Variants in CLNK observed in about 807,000 individuals in gnomAD.
CLNK encodes cytokine-dependent hematopoietic cell linker.
CLNK carries 74 observed loss-of-function variants against 68.6 expected under a neutral mutation model. The observed-to-expected ratio is 1.08, with a 90% CI of 0.89 to 1.31. The LOEUF (loss-of-function observed/expected upper bound fraction) is 1.31. Ranked by LOEUF, CLNK falls within the 50% of genes most tolerant of loss-of-function variation. The pLI is 0.00. For synonymous variants in CLNK, 198 were observed against 172.2 expected (o/e 1.15, Z -1.17); for missense variants, 553 against 515.3 (o/e 1.07, Z -0.71).
At chr4:10,511,327 C>G (rs994969155) in intron 16 of CLNK, among the ~76,000 whole-genome samples, 7 of 152,130 alleles carry the variant, frequency 4.6e-5, no homozygotes, top group African/African-American at 1.4e-4. Flanking sequence ...TAAATCTCTT[C>G]AAATATTTTC....
rs1025459041 is a variant in CLNK, at chr4:10,634,731, A to G, written c.11+33128T>C. 3.9e-5 allele frequency among the ~76,000 whole-genome samples: 6 copies of G among 152,126 alleles called. No individual in the cohort carries two copies. The South Asian group carries it at 6.2e-4, about 16-fold the overall frequency. On this transcript the variant is annotated intron_variant, in intron 2 of 18. Coordinates refer to ENST00000226951, the MANE Select transcript of CLNK (RefSeq NM_052964.4). ...TCTGAAGCTTTTTTGCTTCCCTCCT[A>G]TGGAAACCTCCTGGAGAACAATTTG...
chr4:10,509,207 G>A (rs1382645794), intron 16 of CLNK, among the ~76,000 whole-genome samples: 1 of 151,938 alleles, frequency 6.6e-6, no homozygotes, highest in Non-Finnish European at 1.5e-5. Flanking sequence ...TGGAGTCTGT[G>A]GTCCACTGGA....
At chr4:10,519,132 A>G (rs1193355571) in intron 15 of CLNK, among the ~76,000 whole-genome samples, 1 of 152,190 alleles carries the variant, frequency 6.6e-6, no homozygotes, top group Non-Finnish European at 1.5e-5. Flanking sequence ...TTCCCCATCC[A>G]TCCCAGGCTT....
chr4:10,650,772 T>A (rs901777787), intron 2 of CLNK, among the ~76,000 whole-genome samples: 7 of 152,026 alleles, frequency 4.6e-5, no homozygotes, highest in African/African-American at 1.7e-4. Context: ...AATGGAAGGT[T>A]TGACATATAA....
At chr4:10,589,672 G>C (rs919207474) in intron 3 of CLNK, among the ~76,000 whole-genome samples, 1 of 152,192 alleles carries the variant, frequency 6.6e-6, no homozygotes, top group Non-Finnish European at 1.5e-5. Context: ...GATCAGGAGA[G>C]GTGGTCCGAA....
chr4:10,665,010 G>T lies in CLNK; in HGVS notation c.11+2849C>A, dbSNP rs3935222. Reference sequence around the variant, plus strand: ...AGAGTGAAGAAGAGTTTGGGACTAGGGGAGGAAAAGGATGCTCTGAGCTTT... The same window carrying T: ...AGAGTGAAGAAGAGTTTGGGACTAGTGGAGGAAAAGGATGCTCTGAGCTTT... On this transcript the variant is annotated intron_variant, in intron 2 of 18. Transcript: ENST00000226951. Among the ~76,000 whole-genome samples the T allele has an allele frequency of 2.6e-3, 397 of 152,092 alleles. 4 individuals carry two copies. The East Asian group carries it at 0.033, about 12-fold the overall frequency.
chr4:10,584,448 T>C (rs1249933262), intron 4 of CLNK, among the ~76,000 whole-genome samples: 2 of 152,214 alleles, frequency 1.3e-5, no homozygotes, highest in African/African-American at 4.8e-5. Flanking sequence ...TCTCAAACTT[T>C]AATGGGCTCC....
chr4:10,629,718 A>G (rs760069224), intron 2 of CLNK, among the ~76,000 whole-genome samples: 2 of 151,876 alleles, frequency 1.3e-5, no homozygotes, highest in Non-Finnish European at 2.9e-5. Context: ...ATGTCTTGCA[A>G]CTTATAGAGT....
chr4:10,681,545 C>T (rs1225255392), intron 1 of CLNK, among the ~76,000 whole-genome samples: 1 of 152,156 alleles, frequency 6.6e-6, no homozygotes, highest in Non-Finnish European at 1.5e-5. Flanking sequence ...AACCACAGTA[C>T]CATTTAAACA....
intron 2 of CLNK, among the ~76,000 whole-genome samples, chr4:10,643,202 C>T (rs1321748446): frequency 6.6e-6 from 1 of 152,196 alleles, no homozygotes; most frequent in African/African-American, 2.4e-5. Context: ...TTTATATTTA[C>T]TCCTCCCTGT....
chr4:10,527,621 G>T (rs1718370348), intron 13 of CLNK, among the ~76,000 whole-genome samples: 1 of 152,194 alleles, frequency 6.6e-6, no homozygotes, highest in South Asian at 2.1e-4. Flanking sequence ...GGATATGAGT[G>T]ACTGTTGGAT....
chr4:10,621,702 C>A (rs540407156), intron 2 of CLNK, among the ~76,000 whole-genome samples: 1 of 152,210 alleles, frequency 6.6e-6, no homozygotes, highest in Admixed American at 6.5e-5. Flanking sequence ...AAGGATGATG[C>A]GTGTGCTGCA....
chr4:10,725,208 A>T, the CLNK span, among the ~76,000 whole-genome samples: 1 of 149,122 alleles, frequency 6.7e-6, no homozygotes, highest in East Asian at 2.0e-4. Context: ...ATGTGCCTTT[A>T]AAAGGTCACT....
At chr4:10,670,613 G>A (rs1343318169) in intron 1 of CLNK, among the ~76,000 whole-genome samples, 1 of 152,184 alleles carries the variant, frequency 6.6e-6, no homozygotes, top group Non-Finnish European at 1.5e-5. Context: ...TTTGAGTAAG[G>A]CATTGGAGCT....
At chr4:10,651,244 C>A (rs4257646) in intron 2 of CLNK, among the ~76,000 whole-genome samples, 14,826 of 152,220 alleles carry the variant, frequency 0.097, 1,040 homozygotes, top group Admixed American at 0.22. Context: ...AAGACACATG[C>A]ACACATATGT....
intron 14 of CLNK, among the ~76,000 whole-genome samples, chr4:10,522,362 T>C (rs1265955229): frequency 6.6e-6 from 1 of 150,672 alleles, no homozygotes; most frequent in Non-Finnish European, 1.5e-5. Context: ...TCACCTGAGG[T>C]CAGGAGTTCA....
rs559512329 is a variant in CLNK at position 10,652,070 on chromosome 4, A to C, written c.11+15789T>G. On this transcript the variant is annotated intron_variant, in intron 2 of 18. Transcript: ENST00000226951. Reference sequence around the variant, plus strand: ...CAGTAATTTTAGTAACTGTAAATGGAGAAAATTATCTAGTTAAAAGACATT... The same window carrying C: ...CAGTAATTTTAGTAACTGTAAATGGCGAAAATTATCTAGTTAAAAGACATT... Among the ~76,000 whole-genome samples the C allele has an allele frequency of 2.0e-5, 3 of 152,200 alleles. No homozygotes were observed. The South Asian group carries it at 6.2e-4, about 32-fold the overall frequency.
chr4:10,596,538 ATAGT>A (rs1386016348), intron 3 of CLNK, among the ~76,000 whole-genome samples: 2 of 152,230 alleles, frequency 1.3e-5, no homozygotes, highest in African/African-American at 4.8e-5. Flanking sequence ...CATTGGTTTA[ATAGT>A]TAAAGGAAGA....
intron 2 of CLNK, among the ~76,000 whole-genome samples, chr4:10,609,253 A>G (rs1721913057): frequency 6.6e-6 from 1 of 152,134 alleles, no homozygotes; most frequent in African/African-American, 2.4e-5. Flanking sequence ...AGGACAGTCT[A>G]CCTGGCTCTG....
Sources: allele counts gnomAD v4.1 joint callset (sites outside exome capture counted in the v4.1 genomes callset), GRCh38; gene constraint gnomAD v4.1.1; transcripts MANE v1.5; gene names NCBI Gene and HGNC (gene_info 2026-07-23, HGNC 2026-07-21).